JAKMIP1: variants seen among roughly 807,000 people sequenced by gnomAD.
The protein encoded by JAKMIP1 is janus kinase and microtubule interacting protein 1.
JAKMIP1 carries 33 observed loss-of-function variants against 113.0 expected under a neutral mutation model. The ratio of observed to expected loss-of-function variants is 0.29; its 90% confidence interval spans 0.22 to 0.39. The LOEUF (loss-of-function observed/expected upper bound fraction) is 0.39, where lower values mean the gene tolerates loss of function less well. JAKMIP1 is among the 10% of genes least tolerant of loss of function. The probability of loss-of-function intolerance (pLI) is 1.00; values close to 1 mark genes in which losing one functional copy is unlikely to be tolerated. For synonymous variants in JAKMIP1, 480 were observed against 459.9 expected, an observed-to-expected ratio of 1.04 and a Z score of -0.56; for missense variants, 813 against 1,080.5, an observed-to-expected ratio of 0.75 and a Z score of 3.47.
intron 19 of JAKMIP1, among the ~76,000 whole-genome samples, chr4:6,034,819 C>A (rs1343103151): frequency 6.6e-6 from 1 of 152,134 alleles, no homozygotes; most frequent in Non-Finnish European, 1.5e-5. Context: ...AACAAACAAA[C>A]AAACTAGATG....
chr4:6,079,600 G>A (rs1009548349), intron 7 of JAKMIP1, among the ~76,000 whole-genome samples: 4 of 152,098 alleles, frequency 2.6e-5, no homozygotes, highest in Non-Finnish European at 5.9e-5. Context: ...GCCTGTTGCC[G>A]AAGTTCCTTT....
chr4:6,198,072 C>A (rs1728036829), intron 1 of JAKMIP1, among the ~76,000 whole-genome samples: 1 of 152,252 alleles, frequency 6.6e-6, no homozygotes, highest in African/African-American at 2.4e-5. Context: ...CAAAGTGGGA[C>A]CATCTCTCAG....
rs990961327 is a variant in JAKMIP1 at position 6,135,363 on chromosome 4, T to C, written c.-147-22366A>G. Reference sequence around the variant, plus strand: ...AGGACATGGGGAGAAGACGGCCGTCTACAAGCCAAGGAGAGAGGCTTCGGA... The same window carrying C: ...AGGACATGGGGAGAAGACGGCCGTCCACAAGCCAAGGAGAGAGGCTTCGGA... On this transcript the variant is annotated intron_variant, in intron 1 of 20. Transcript: ENST00000409021. The surrounding 1 kb of genome is among the most constrained non-coding windows in gnomAD (Gnocchi z 4.9). Among the ~76,000 whole-genome samples the C allele has an allele frequency of 6.6e-6, 1 of 152,126 alleles. No homozygotes were observed. The highest frequency in any genetic ancestry group is 6.6e-5 in the Admixed American group (1 of 15,262).
At chr4:6,066,668 C>T (rs1483648630) in intron 8 of JAKMIP1, among the ~76,000 whole-genome samples, 2 of 147,648 alleles carry the variant, frequency 1.4e-5, no homozygotes, top group Non-Finnish European at 1.5e-5. Flanking sequence ...CCTCTCATGC[C>T]TGCCCTCCCT....
At chr4:6,100,366 CATA>C (rs927803541) in intron 3 of JAKMIP1, among the ~76,000 whole-genome samples, 2 of 152,186 alleles carry the variant, frequency 1.3e-5, no homozygotes, top group African/African-American at 2.4e-5. Flanking sequence ...TATCATTTAG[CATA>C]ATGTTTCTGA....
At position 6,065,030 on chromosome 4, in the gene JAKMIP1, A is replaced by G. The variant is rs745678072; in HGVS notation, c.1303-22T>C. 1.2e-6 allele frequency: 2 copies of G among 1,613,824 alleles called. No individual in the cohort carries two copies. The highest frequency in any genetic ancestry group is 1.7e-6 in the Non-Finnish European group (2 of 1,179,970). On this transcript the variant is annotated intron_variant, in intron 8 of 20. Transcript: ENST00000409021. The surrounding 1 kb of genome is among the most constrained non-coding windows in gnomAD (Gnocchi z 5.1). Reference sequence around the variant, plus strand: ...GCTTCTGTAAAACGCAATTTGTATGATGTTAGCAACGACTGAGGATTGCCA... The same window carrying G: ...GCTTCTGTAAAACGCAATTTGTATGGTGTTAGCAACGACTGAGGATTGCCA...
intron 12 of JAKMIP1, among the ~76,000 whole-genome samples, chr4:6,056,295 G>C (rs1716446305): frequency 7.4e-6 from 1 of 135,014 alleles, no homozygotes; most frequent in Non-Finnish European, 1.7e-5. Flanking sequence ...ATTTCTGCAG[G>C]GGTCCCAGAG....
chr4:6,033,038 C>T (rs1407420477), intron 19 of JAKMIP1, among the ~76,000 whole-genome samples: 2 of 152,238 alleles, frequency 1.3e-5, no homozygotes, highest in African/African-American at 2.4e-5. Context: ...AGTGAATTTA[C>T]ACCAGTGGCT....
chr4:6,105,484 T>C lies in JAKMIP1; in HGVS notation c.613A>G (p.Ile205Val). ...GGGGCGGCACGTACCAGCCTGCGGA[T>C]GTCGCGCTCGCACTCGCGCTTGATG... ...HRIKRECERD[I>V]RRLMDEIKGK... Residue 205 changes from isoleucine (I) to valine (V), a missense_variant, in exon 3 of 21, where the codon ATC (isoleucine) becomes GTC (valine). Coordinates refer to ENST00000409021, the MANE Select transcript of JAKMIP1 (RefSeq NM_001099433.2). 2 of 1,601,230 alleles carry C rather than the reference T, an allele frequency of 1.2e-6. No individual in the cohort carries two copies. Among genetic ancestry groups the C allele is most frequent in the Non-Finnish European group, 1.7e-6 (2 of 1,174,494 alleles).
intron 11 of JAKMIP1, 141 bp from the exon 12 acceptor site, chr4:6,056,900 T>C (rs1578110917): frequency 3.1e-6 from 2 of 654,144 alleles, no homozygotes; most frequent in East Asian, 2.7e-5. Flanking sequence ...GTGCCCTCAT[T>C]GTCCCTGTCC....
In JAKMIP1 at chr4:6,197,049, G is replaced by A. The variant is rs967199582; in HGVS notation, c.-148+3204C>T. On this transcript the variant is annotated intron_variant, in intron 1 of 20. Transcript: ENST00000409021. This position sits in a 1 kb window ranked among gnomAD's most constrained non-coding sequence, Gnocchi z 6.5. The stretch of plus-strand genomic sequence containing the variant: ...ACTTGGCTCCCTCTGCGGTGTTCAC[G>A]TAGACCTCACCCTGTGTGGTGCCCG... Among the ~76,000 whole-genome samples the A allele has an allele frequency of 3.3e-5, 5 of 152,292 alleles. No individual in the cohort carries two copies. Among genetic ancestry groups the A allele is most frequent in the African/African-American group, 7.2e-5 (3 of 41,554 alleles).
rs1011873070 is a variant in JAKMIP1, at chr4:6,181,696, G to A, written c.-148+18557C>T. Among the ~76,000 whole-genome samples, 29 of 152,170 alleles carry A rather than the reference G, an allele frequency of 1.9e-4. No individual in the cohort carries two copies. The highest frequency in any genetic ancestry group is 9.8e-4 in the Admixed American group (15 of 15,278). On this transcript the variant is annotated intron_variant, in intron 1 of 20. Coordinates refer to ENST00000409021, the MANE Select transcript of JAKMIP1 (RefSeq NM_001099433.2). The surrounding 1 kb of genome is among the most constrained non-coding windows in gnomAD (Gnocchi z 5.4). Reference sequence around the variant, plus strand: ...ATCAGAGAGGGAGAGCAGCAGCAACGCAAGCTCCATTCATTCATTCATTCA... The same window carrying A: ...ATCAGAGAGGGAGAGCAGCAGCAACACAAGCTCCATTCATTCATTCATTCA...
chr4:6,136,571 C>T lies in JAKMIP1; in HGVS notation c.-147-23574G>A, dbSNP rs139482626. On this transcript the variant is annotated intron_variant, in intron 1 of 20. Transcript: ENST00000409021. The surrounding 1 kb of genome is among the most constrained non-coding windows in gnomAD (Gnocchi z 5.9). ...CACTGAGCGACTAAGTTCCTGTCCA[C>T]GGTCACACAACCAAGGATGGCTCGT... Among the ~76,000 whole-genome samples the T allele has an allele frequency of 1.7e-4, 26 of 152,274 alleles. No individual in the cohort carries two copies. The highest frequency in any genetic ancestry group is 5.8e-4 in the East Asian group (3 of 5,174).
intron 8 of JAKMIP1, chr4:6,070,074 A>C (rs999648259): frequency 7.5e-6 from 3 of 398,718 alleles, no homozygotes; most frequent in African/African-American, 2.1e-5. Flanking sequence ...CTTATAGGTC[A>C]TCTCCTGGCA....
chr4:6,121,990 A>G (rs917773798), intron 1 of JAKMIP1, among the ~76,000 whole-genome samples: 1 of 152,234 alleles, frequency 6.6e-6, no homozygotes, highest in Non-Finnish European at 1.5e-5. Context: ...ACTGCATATA[A>G]TATACGCTGT....
Position 6,143,852 on chromosome 4 carries a change from G to A in JAKMIP1, c.-147-30855C>T, listed in dbSNP as rs1720490604. Among the ~76,000 whole-genome samples, 1 of 152,210 alleles carries A rather than the reference G, an allele frequency of 6.6e-6. No homozygotes were observed. Among genetic ancestry groups the A allele is most frequent in the African/African-American group, 2.4e-5 (1 of 41,460 alleles). ...TCAGGGAATAACAGAAGGCTTGTAG[G>A]ACCCAGGCCAGGCAAGCCCCATCCC... On this transcript the variant is annotated intron_variant, in intron 1 of 20. Coordinates refer to ENST00000409021, the MANE Select transcript of JAKMIP1 (RefSeq NM_001099433.2). This position sits in a 1 kb window ranked among gnomAD's most constrained non-coding sequence, Gnocchi z 4.9.
chr4:6,182,801 C>T (rs1481810158), intron 1 of JAKMIP1, among the ~76,000 whole-genome samples: 1 of 152,218 alleles, frequency 6.6e-6, no homozygotes, highest in Non-Finnish European at 1.5e-5. Context: ...GTGTGAGTTT[C>T]GGAAACATAT....
rs1258337376 is a variant in JAKMIP1, at chr4:6,081,747, G to A, written c.963C>T (p.Arg321=). Residue 321 remains arginine, a synonymous_variant, in exon 6 of 21, where the codon CGC becomes CGT. Transcript: ENST00000409021. The surrounding 1 kb of genome is among the most constrained non-coding windows in gnomAD (Gnocchi z 4.6). ...TCAGCTGAACCTCGGTCTCTCGTGAGCGTTTCAGCTGTGGTTGGAAACAGA... is the reference window on the plus strand; with the variant it reads ...TCAGCTGAACCTCGGTCTCTCGTGAACGTTTCAGCTGTGGTTGGAAACAGA... ...LADERNELLK[R]SRETEVQLKP... 2 of 1,614,036 alleles carry A rather than the reference G, an allele frequency of 1.2e-6. No individual in the cohort carries two copies. Among genetic ancestry groups the A allele is most frequent in the African/African-American group, 2.7e-5 (2 of 74,910 alleles).
rs1318724906 is a variant in JAKMIP1, at chr4:6,176,357, C to G, written c.-148+23896G>C. On this transcript the variant is annotated intron_variant, in intron 1 of 20. Transcript: ENST00000409021. This position sits in a 1 kb window ranked among gnomAD's most constrained non-coding sequence, Gnocchi z 5.5. ...CTGGTCTGGTGGGGTATGAAGATCCCTGAGGTGAACCATGAATACAAACAT... is the reference window on the plus strand; with the variant it reads ...CTGGTCTGGTGGGGTATGAAGATCCGTGAGGTGAACCATGAATACAAACAT... Among the ~76,000 whole-genome samples the G allele has an allele frequency of 3.9e-5, 6 of 152,294 alleles. No homozygotes were observed. Among genetic ancestry groups the G allele is most frequent in the African/African-American group, 1.4e-4 (6 of 41,564 alleles).
Sources: allele counts gnomAD v4.1 joint callset (sites outside exome capture counted in the v4.1 genomes callset), GRCh38; gene constraint gnomAD v4.1.1; non-coding constraint Gnocchi (gnomAD v3.1); transcripts MANE v1.5; gene names NCBI Gene and HGNC (gene_info 2026-07-23, HGNC 2026-07-21).